FAM174B: variants seen among roughly 807,000 people sequenced by gnomAD.
FAM174B encodes family with sequence similarity 174 member B.
FAM174B carries 12 observed loss-of-function variants against 10.9 expected under a neutral mutation model. The ratio of observed to expected loss-of-function variants is 1.10; its 90% CI spans 0.71 to 1.79. FAM174B has a LOEUF of 1.79. Ranked by LOEUF, FAM174B falls within the 40% of genes most tolerant of loss-of-function variation. The pLI is 0.00. For missense variants in FAM174B, 266 were observed against 233.3 expected (o/e 1.14, Z -0.91); for synonymous variants, 132 against 115.8 (o/e 1.14, Z -0.90).
rs1255058190 is a variant in FAM174B, at chr15:92,630,380, C to G, written c.345-35G>C. ...AAGAAGCACATTCATGAGAACACAG[C>G]TGGGAGAGAAAGAGTCACTGGGCCC... On this transcript the variant is annotated intron_variant, in intron 1 of 2. Coordinates refer to ENST00000327355, the MANE Select transcript of FAM174B (RefSeq NM_207446.3). 9 of 1,579,248 alleles carry G rather than the reference C, an allele frequency of 5.7e-6. No homozygotes were observed. The African/African-American group carries it at 1.1e-4, about 19-fold the overall frequency.
rs555853051 is a variant in FAM174B at position 92,618,160 on chromosome 15, TAAAAAATA to T, written c.*1288_*1295del. On this transcript the variant is annotated 3_prime_UTR_variant, in exon 3 of 3. Transcript: ENST00000327355. ...GCAAAGCCAGGAAAAAAGGGGGAGA[TAAAAAATA>T]AAAAAATAAAAAACACCTTTCTAGA... 1 of 153,126 alleles carries T rather than the reference TAAAAAATA, an allele frequency of 6.5e-6. No individual in the cohort carries two copies. Among genetic ancestry groups the T allele is most frequent in the African/African-American group, 2.5e-5 (1 of 40,406 alleles). The allele number at this position is 153,126 out of a possible 1,614,324, so 9.5% of individuals were successfully genotyped here.
chr15:92,637,702 C>T (rs2141958559), intron 1 of FAM174B, among the ~76,000 whole-genome samples: 1 of 152,298 alleles, frequency 6.6e-6, no homozygotes, highest in African/African-American at 2.4e-5. Flanking sequence ...TACCTGTAAG[C>T]AGGCTTTCAA....
In FAM174B at chr15:92,655,670, G is replaced by GTCGGCACAGGA. The variant is rs2051000670; in HGVS notation, c.-22_-12dup. ...CGGCACGGCGCGCATAGTGCGGTGG[G>GTCGGCACAGGA]TCGGCACAGGATCGGGCAGGGCGCG... On this transcript the variant is annotated 5_prime_UTR_variant, in exon 1 of 3. Coordinates refer to ENST00000327355, the MANE Select transcript of FAM174B (RefSeq NM_207446.3). 7.9e-7 allele frequency: 1 copy of GTCGGCACAGGA among 1,258,082 alleles called. No individual in the cohort carries two copies. The highest frequency in any genetic ancestry group is 9.9e-7 in the Non-Finnish European group (1 of 1,006,468). 77.9% of individuals were successfully genotyped at this position (1,258,082 alleles called of 1,614,324 possible). A position where few individuals can be genotyped will look rare whatever the true frequency, so the allele number is the denominator to read the frequency against.
At chr15:92,643,047 G>C (rs550293385) in intron 1 of FAM174B, among the ~76,000 whole-genome samples, 8 of 152,276 alleles carry the variant, frequency 5.3e-5, no homozygotes, top group African/African-American at 1.9e-4. Flanking sequence ...TTTCAGTCTG[G>C]AGTGATGAAT....
intron 1 of FAM174B, among the ~76,000 whole-genome samples, chr15:92,638,394 G>T (rs2050869222): frequency 6.6e-6 from 1 of 152,206 alleles, no homozygotes; most frequent in African/African-American, 2.4e-5. Context: ...CAGGTTTCGT[G>T]TGAGTGCTCA....
At chr15:92,632,610 A>G (rs1439493266) in intron 1 of FAM174B, among the ~76,000 whole-genome samples, 1 of 151,982 alleles carries the variant, frequency 6.6e-6, no homozygotes, top group Admixed American at 6.5e-5. Context: ...CCTGGGCTTA[A>G]GCAATCCTTT....
intron 2 of FAM174B, among the ~76,000 whole-genome samples, chr15:92,629,157 G>A (rs546946955): frequency 4.6e-5 from 7 of 152,252 alleles, no homozygotes; most frequent in Admixed American, 2.0e-4. Context: ...CATGGGATCC[G>A]GGGAGCCAAG....
chr15:92,630,872 ATATAT>A (rs1289957913), intron 1 of FAM174B, among the ~76,000 whole-genome samples: 43 of 51,232 alleles, frequency 8.4e-4, no homozygotes, highest in South Asian at 2.7e-3. Context: ...ATTACATATT[ATATAT>A]TATATATTAC....
chr15:92,646,558 T>C (rs1404025472), intron 1 of FAM174B, among the ~76,000 whole-genome samples: 1 of 152,116 alleles, frequency 6.6e-6, no homozygotes, highest in East Asian at 1.9e-4. Flanking sequence ...CCCGAAAAAC[T>C]AATTCAGGCC....
intron 1 of FAM174B, 28 bp downstream of exon 1, chr15:92,655,288 G>A: frequency 6.6e-7 from 1 of 1,513,076 alleles, no homozygotes. Context: ...TCGGCCGGCG[G>A]GGGAAGGAAG....
intron 1 of FAM174B, among the ~76,000 whole-genome samples, chr15:92,649,219 A>G (rs2050948544): frequency 6.6e-6 from 1 of 152,250 alleles, no homozygotes. Context: ...TCAGGCTTAA[A>G]TTAAAGAGGG....
At chr15:92,621,618 A>G (rs1596293065) in intron 2 of FAM174B, among the ~76,000 whole-genome samples, 1 of 152,158 alleles carries the variant, frequency 6.6e-6, no homozygotes, top group East Asian at 1.9e-4. Flanking sequence ...CAAAAAAAAA[A>G]AAAAAATTGA....
At chr15:92,655,095 G>A (rs1224904184) in intron 1 of FAM174B, 4 of 474,980 alleles carry the variant, frequency 8.4e-6, no homozygotes, top group African/African-American at 8.1e-5. Context: ...TATATATATA[G>A]TTAAAGAGAG....
At chr15:92,622,155 C>T (rs935991674) in intron 2 of FAM174B, among the ~76,000 whole-genome samples, 2 of 152,214 alleles carry the variant, frequency 1.3e-5, no homozygotes, top group African/African-American at 4.8e-5. Flanking sequence ...GGGCATCCCA[C>T]GGGACTGCTC....
At chr15:92,640,666 T>TA (rs1308820730) in intron 1 of FAM174B, among the ~76,000 whole-genome samples, 1 of 151,880 alleles carries the variant, frequency 6.6e-6, no homozygotes, top group Non-Finnish European at 1.5e-5. Flanking sequence ...TGTTTTTTTT[T>TA]AAGACACAGT....
At position 92,655,387 on chromosome 15, in the gene FAM174B, G is replaced by A. The variant is rs2050995950; in HGVS notation, c.273C>T (p.Leu91=). Residue 91 remains leucine (L), a synonymous_variant, in exon 1 of 3, where the codon CTC becomes CTT. Coordinates refer to ENST00000327355, the MANE Select transcript of FAM174B (RefSeq NM_207446.3). The part of the protein sequence containing the change: ...ISILLRDLPT[L]KAAVIVAFAF... The stretch of plus-strand genomic sequence containing the variant: ...CGAACGCCACGATCACGGCTGCCTT[G>A]AGGGTGGGTAGGTCGCGGAGGAGGA... 1 of 1,593,836 alleles carries A rather than the reference G, an allele frequency of 6.3e-7. No homozygotes were observed. Among genetic ancestry groups the A allele is most frequent in the Non-Finnish European group, 8.5e-7 (1 of 1,170,970 alleles).
At chr15:92,638,813 T>C (rs776890686) in intron 1 of FAM174B, among the ~76,000 whole-genome samples, 4 of 152,126 alleles carry the variant, frequency 2.6e-5, no homozygotes, top group Non-Finnish European at 4.4e-5. Flanking sequence ...GTTTTCTCCT[T>C]CTTCCGAATC....
intron 1 of FAM174B, among the ~76,000 whole-genome samples, chr15:92,631,378 ATATTATATATTATATATTATAT>A (rs2050812205): frequency 2.6e-5 from 1 of 39,184 alleles, no homozygotes; most frequent in Non-Finnish European, 4.0e-5. Context: ...TATATATAAT[ATATTATATATTATATATTATAT>A]TATATTATAT....
chr15:92,650,750 C>CA (rs141604616), intron 1 of FAM174B, among the ~76,000 whole-genome samples: 1,875 of 152,198 alleles, frequency 0.012, 36 homozygotes, highest in African/African-American at 0.043. Flanking sequence ...TTCCCAATAC[C>CA]AAAAAATTAG....
Sources: allele counts gnomAD v4.1 joint callset (sites outside exome capture counted in the v4.1 genomes callset), GRCh38; gene constraint gnomAD v4.1.1; transcripts MANE v1.5; gene names NCBI Gene and HGNC (gene_info 2026-07-23, HGNC 2026-07-21).